Variants in ANK3 observed in about 807,000 individuals in gnomAD.
The protein encoded by ANK3 is ankyrin 3.
In ANK3, 57 loss-of-function variants were observed where a neutral mutation model predicts 370.9. That is an observed-to-expected ratio of 0.15 (90% CI 0.12 to 0.19). The LOEUF is 0.19. Ranked by LOEUF, ANK3 falls within the 10% of genes least tolerant of loss-of-function variation. ANK3 has a pLI of 1.00. For missense variants in ANK3, 4,439 were observed against 5,302.1 expected (o/e 0.84, Z 5.06); for synonymous variants, 1,929 against 1,946.3 (o/e 0.99, Z 0.23).
intron 17 of ANK3, among the ~76,000 whole-genome samples, chr10:60,184,283 TC>T (rs1472752920): frequency 6.6e-6 from 1 of 152,148 alleles, no homozygotes; most frequent in Non-Finnish European, 1.5e-5. Flanking sequence ...CACTGGCAGC[TC>T]AGGAAAAACT....
In ANK3 at chr10:60,095,514, G is replaced by A. The variant is rs890029638; in HGVS notation, c.3329-7156C>T. ...TCCCACTTCAGCCTCCTGAGTAGCT[G>A]ACACTACAGATGTACATCACCACGC... On this transcript the variant is annotated intron_variant, in intron 28 of 43. Coordinates refer to ENST00000280772, the MANE Select transcript of ANK3 (RefSeq NM_020987.5). Among the ~76,000 whole-genome samples the A allele has an allele frequency of 3.3e-5, 5 of 152,152 alleles. No homozygotes were observed. In the South Asian group the frequency reaches 1.0e-3, roughly 31 times the overall value.
At chr10:60,096,647 T>C (rs1307659696) in intron 28 of ANK3, among the ~76,000 whole-genome samples, 2 of 152,208 alleles carry the variant, frequency 1.3e-5, no homozygotes, top group African/African-American at 2.4e-5. Context: ...AGTAATGTCT[T>C]GGTAGACTCT....
intron 42 of ANK3, chr10:60,043,270 C>G: frequency 1.0e-6 from 1 of 985,498 alleles, no homozygotes. Flanking sequence ...ATCAGGAATA[C>G]AGTTCCCCGA....
At chr10:60,197,379 G>C (rs1230231148) in intron 14 of ANK3, among the ~76,000 whole-genome samples, 1 of 152,174 alleles carries the variant, frequency 6.6e-6, no homozygotes, top group Non-Finnish European at 1.5e-5. Flanking sequence ...GCACACTGTT[G>C]TGGGGGTCCC....
chr10:60,474,038 C>T (rs945839905), intron 2 of ANK3, among the ~76,000 whole-genome samples: 17 of 149,046 alleles, frequency 1.1e-4, no homozygotes, highest in Non-Finnish European at 2.2e-4. Flanking sequence ...GAGGCTGAGG[C>T]GGGAGGATTG....
chr10:60,108,157 A>G (rs1409364213), intron 27 of ANK3: 3 of 416,612 alleles, frequency 7.2e-6, no homozygotes, highest in Non-Finnish European at 1.4e-5. Context: ...AAAATTGTAG[A>G]CATTCTGTAT....
chr10:60,191,688 A>C (rs771796136), intron 16 of ANK3, among the ~76,000 whole-genome samples: 1 of 152,200 alleles, frequency 6.6e-6, no homozygotes, highest in Non-Finnish European at 1.5e-5. Context: ...AAGAACTAAA[A>C]ATAGAACTAC....
intron 12 of ANK3, among the ~76,000 whole-genome samples, chr10:60,202,684 A>T (rs1443459730): frequency 1.3e-5 from 2 of 152,138 alleles, no homozygotes; most frequent in Non-Finnish European, 2.9e-5. Context: ...GCGCAGGAGG[A>T]TTGCTTGAAG....
In ANK3 at chr10:60,059,379, C is replaced by T. The variant is rs779784258; in HGVS notation, c.12647G>A (p.Arg4216Gln). The T allele has an allele frequency of 9.9e-6, 16 of 1,613,944 alleles. No individual in the cohort carries two copies. The highest frequency in any genetic ancestry group is 6.6e-5 in the South Asian group (6 of 91,076). ...ATCTAGTAACCCACCAGTTACTCTTCGAGCTTGAGCGCAGGACTCTAGGTT... is the reference window on the plus strand; with the variant it reads ...ATCTAGTAACCCACCAGTTACTCTTTGAGCTTGAGCGCAGGACTCTAGGTT... ...SGNLESCAQA[R>Q]RVTGGLLDRL... The change falls in exon 41 of 44, where the codon CGA (arginine) becomes CAA (glutamine). Residue 4216 changes from arginine to glutamine, a missense_variant. Arg to Gln is a conservative substitution (Grantham distance 43). Around this residue, in one of 13 missense-constraint regions of ANK3, gnomAD observed 242 missense variants for 228.0 expected, o/e 1.06. Coordinates refer to ENST00000280772, the MANE Select transcript of ANK3 (RefSeq NM_020987.5).
At chr10:60,401,949 C>T (rs531708519) in intron 2 of ANK3, among the ~76,000 whole-genome samples, 3 of 152,326 alleles carry the variant, frequency 2.0e-5, no homozygotes, top group South Asian at 4.1e-4. Context: ...TGGAATTAAA[C>T]TGTATTTCTA....
chr10:60,473,769 C>T (rs1281209257), intron 2 of ANK3, among the ~76,000 whole-genome samples: 2 of 152,000 alleles, frequency 1.3e-5, no homozygotes, highest in African/African-American at 4.8e-5. Flanking sequence ...GGTAATATGA[C>T]TTGGCAAATT....
chr10:60,345,469 T>C (rs185384265), intron 1 of ANK3, among the ~76,000 whole-genome samples: 1 of 152,198 alleles, frequency 6.6e-6, no homozygotes, highest in African/African-American at 2.4e-5. Flanking sequence ...TAATTTTCCC[T>C]TTCCTGTTTG....
chr10:60,675,950 A>G (rs2079120048), intron 1 of ANK3, among the ~76,000 whole-genome samples: 1 of 152,102 alleles, frequency 6.6e-6, no homozygotes, highest in Non-Finnish European at 1.5e-5. Context: ...GAAAAAAAAA[A>G]GAATCTACAT....
At chr10:60,580,209 T>C (rs2077732724) in intron 2 of ANK3, among the ~76,000 whole-genome samples, 1 of 152,202 alleles carries the variant, frequency 6.6e-6, no homozygotes, top group East Asian at 1.9e-4. Context: ...GCTTAGTCTA[T>C]CAAGATAATC....
intron 1 of ANK3, among the ~76,000 whole-genome samples, chr10:60,713,261 T>G (rs574682169): frequency 6.6e-6 from 1 of 152,220 alleles, no homozygotes; most frequent in East Asian, 1.9e-4. Flanking sequence ...AAGTATGCTC[T>G]CACACCACAA....
intron 28 of ANK3, among the ~76,000 whole-genome samples, chr10:60,102,311 T>A (rs2091409264): frequency 1.3e-5 from 2 of 151,986 alleles, no homozygotes; most frequent in South Asian, 4.2e-4. Context: ...ACACGGCAGT[T>A]GTGACTATGA....
chr10:60,069,553 A>C lies in ANK3; in HGVS notation c.11328T>G (p.His3776Gln), dbSNP rs553845189. ...TANSQMGVRPHEKHDFQKDNF... is the reference protein window; with the variant it reads ...TANSQMGVRPQEKHDFQKDNF... ...TATCTTTTTGAAAATCATGTTTTTCATGGGGCCTAACGCCCATCTGGCTAT... is the reference window on the plus strand; with the variant it reads ...TATCTTTTTGAAAATCATGTTTTTCCTGGGGCCTAACGCCCATCTGGCTAT... The change falls in exon 37 of 44, where the codon CAT becomes CAG. Residue 3776 changes from histidine to glutamine, a missense_variant. Physicochemically the swap from His to Gln is conservative, Grantham distance 24 (BLOSUM62 0). This residue lies in a region of ANK3 where 496 missense variants were observed against 529.3 expected (regional missense o/e 0.94). Transcript: ENST00000280772. The C allele has an allele frequency of 1.9e-5, 31 of 1,612,926 alleles. No individual in the cohort carries two copies. Among genetic ancestry groups the C allele is most frequent in the Admixed American group, 6.7e-5 (4 of 59,748 alleles).
chr10:60,272,646 A>C (rs988975923), intron 4 of ANK3, among the ~76,000 whole-genome samples: 4 of 151,812 alleles, frequency 2.6e-5, no homozygotes, highest in Non-Finnish European at 5.9e-5. Context: ...CGCCCGGCTA[A>C]TTTTTGTATT....
intron 1 of ANK3, among the ~76,000 whole-genome samples, chr10:60,704,214 T>C (rs1352674257): frequency 6.6e-6 from 1 of 152,222 alleles, no homozygotes; most frequent in African/African-American, 2.4e-5. Flanking sequence ...AAATCAAACA[T>C]AGGCTGTTAA....
Sources: allele counts gnomAD v4.1 joint callset (sites outside exome capture counted in the v4.1 genomes callset), GRCh38; gene constraint gnomAD v4.1.1; regional missense constraint gnomAD v4.1.1; transcripts MANE v1.5; gene names NCBI Gene and HGNC (gene_info 2026-07-23, HGNC 2026-07-21).